The following FAM193A variants were observed in gnomAD, a reference collection of about 807,000 sequenced individuals.
FAM193A encodes protein FAM193A.
FAM193A carries 22 observed loss-of-function variants against 126.5 expected under a neutral mutation model. The ratio of observed to expected loss-of-function variants is 0.17; its 90% CI spans 0.12 to 0.25. The LOEUF is 0.25. Among genes scored for constraint, FAM193A ranks in the 10% least tolerant of loss-of-function variants. The pLI is 1.00. For synonymous variants in FAM193A, 761 were observed against 646.8 expected, an observed-to-expected ratio of 1.18 and a Z score of -2.68; for missense variants, 1,675 against 1,672.8, an observed-to-expected ratio of 1.00 and a Z score of -0.02.
chr4:2,548,271 A>G (rs922152991), intron 1 of FAM193A, among the ~76,000 whole-genome samples: 1 of 151,442 alleles, frequency 6.6e-6, no homozygotes, highest in African/African-American at 2.4e-5. Flanking sequence ...GGGCTTCACC[A>G]TGTTGGCCAG....
chr4:2,604,517 C>G (rs563329154), intron 2 of FAM193A, among the ~76,000 whole-genome samples: 1 of 152,108 alleles, frequency 6.6e-6, no homozygotes, highest in East Asian at 1.9e-4. Context: ...GGGTAGAATA[C>G]AGGTTGAAAT....
chr4:2,626,634 A>G, intron 4 of FAM193A, 57 bp downstream of exon 4: 3 of 660,414 alleles, frequency 4.5e-6, no homozygotes, highest in Non-Finnish European at 8.5e-6. Context: ...TCCCTGCTGC[A>G]CTTGGAGCCA....
intron 15 of FAM193A, among the ~76,000 whole-genome samples, chr4:2,691,737 T>C (rs931318236): frequency 3.3e-5 from 5 of 149,268 alleles, no homozygotes. Flanking sequence ...CCTGGGAGTT[T>C]GAGACTAGCC....
At chr4:2,630,244 A>G (rs1743424602) in intron 4 of FAM193A, among the ~76,000 whole-genome samples, 1 of 151,220 alleles carries the variant, frequency 6.6e-6, no homozygotes, top group Non-Finnish European at 1.5e-5. Flanking sequence ...TGGCTTAGTC[A>G]TGTTGCATGT....
chr4:2,542,635 G>A (rs567976949), intron 1 of FAM193A, among the ~76,000 whole-genome samples: 9 of 152,276 alleles, frequency 5.9e-5, no homozygotes, highest in African/African-American at 2.2e-4. Context: ...GGAGTACCTT[G>A]TATGGTGCAA....
At chr4:2,585,040 C>T (rs1273259321) in intron 1 of FAM193A, among the ~76,000 whole-genome samples, 5 of 152,266 alleles carry the variant, frequency 3.3e-5, no homozygotes, top group African/African-American at 9.6e-5. Flanking sequence ...TAACTTGTCT[C>T]ACCCAACAAT....
intron 19 of FAM193A, chr4:2,715,456 G>GA: frequency 1.0e-6 from 1 of 982,228 alleles, no homozygotes; most frequent in Non-Finnish European, 1.2e-6. Flanking sequence ...ATAAAAAAAA[G>GA]AAAAAAGTTT....
At chr4:2,711,798 G>A (rs1361184351) in intron 19 of FAM193A, among the ~76,000 whole-genome samples, 5 of 151,986 alleles carry the variant, frequency 3.3e-5, no homozygotes, top group Non-Finnish European at 5.9e-5. Flanking sequence ...GTGGTGGCAC[G>A]TGCCTGTAGT....
At position 2,696,604 on chromosome 4, in the gene FAM193A, G is replaced by A. The variant is rs1451834335; in HGVS notation, c.3507+11G>A. 6.2e-7 allele frequency: 1 copy of A among 1,608,504 alleles called. No homozygotes were observed. The highest frequency in any genetic ancestry group is 2.2e-5 in the East Asian group (1 of 44,856). ...CATAAGCAAAGGAAGGCAAGTGACA[G>A]TTCTCAGCACCTGGAGGCGCCAGGT... is the stretch of plus-strand genomic sequence containing the variant. On this transcript the variant is annotated intron_variant, in intron 18 of 20. Coordinates refer to ENST00000637812, the MANE Select transcript of FAM193A (RefSeq NM_001366318.2).
rs773744003 is a variant in FAM193A, at chr4:2,696,557, G to T, written c.3471G>T (p.Thr1157=). 4.3e-6 allele frequency: 7 copies of T among 1,614,222 alleles called. 1 individual carries two copies. The South Asian group carries it at 7.7e-5, about 18-fold the overall frequency. Residue 1157 remains threonine (T), a synonymous_variant, in exon 18 of 21, where the codon ACG becomes ACT. Transcript: ENST00000637812. ...CCGAAACCAAACCAGTGAGCAGCACGCGTGCAGCGAAGCGAGCAAGGCATA... is the reference window on the plus strand; with the variant it reads ...CCGAAACCAAACCAGTGAGCAGCACTCGTGCAGCGAAGCGAGCAAGGCATA... ...NSSETKPVSS[T]RAAKRARHKQ...
At chr4:2,697,547 G>A (rs1717178150) in intron 18 of FAM193A, among the ~76,000 whole-genome samples, 1 of 152,202 alleles carries the variant, frequency 6.6e-6, no homozygotes, top group African/African-American at 2.4e-5. Flanking sequence ...CAGTGGTCTT[G>A]GGAAGAGGCC....
At chr4:2,566,916 T>C (rs79047357) in intron 1 of FAM193A, among the ~76,000 whole-genome samples, 6,199 of 151,780 alleles carry the variant, frequency 0.041, 168 homozygotes, top group Non-Finnish European at 0.068. Context: ...GAAGAAGATG[T>C]AAATTGACTA....
chr4:2,548,373 C>G (rs1387840784), intron 1 of FAM193A, among the ~76,000 whole-genome samples: 13 of 151,888 alleles, frequency 8.6e-5, no homozygotes. Context: ...GCCCGGCCTA[C>G]TTTGCCTATT....
chr4:2,552,067 A>C (rs1382323012), intron 1 of FAM193A, among the ~76,000 whole-genome samples: 2 of 141,374 alleles, frequency 1.4e-5, no homozygotes, highest in African/African-American at 5.3e-5. Context: ...CCTGGAGTGC[A>C]GTGGCTGGAT....
At chr4:2,624,117 A>C (rs1364594709) in intron 2 of FAM193A, among the ~76,000 whole-genome samples, 1 of 151,218 alleles carries the variant, frequency 6.6e-6, no homozygotes, top group African/African-American at 2.4e-5. Flanking sequence ...TGTGTTCTCT[A>C]GTTGTTGTTG....
intron 1 of FAM193A, among the ~76,000 whole-genome samples, chr4:2,588,753 G>C (rs924847133): frequency 6.6e-6 from 1 of 152,184 alleles, no homozygotes; most frequent in Non-Finnish European, 1.5e-5. Context: ...TGTAAAGACT[G>C]TTAATACCTT....
intron 1 of FAM193A, among the ~76,000 whole-genome samples, chr4:2,542,082 C>A (rs987250969): frequency 6.6e-6 from 1 of 151,526 alleles, no homozygotes; most frequent in African/African-American, 2.4e-5. Context: ...GTGGGGTGAT[C>A]TTAGCTCACT....
intron 20 of FAM193A, among the ~76,000 whole-genome samples, chr4:2,728,393 C>A (rs1319761632): frequency 6.6e-6 from 1 of 152,002 alleles, no homozygotes; most frequent in Non-Finnish European, 1.5e-5. Context: ...TACCTTCCCT[C>A]ATTTTTGGCA....
chr4:2,725,526 C>G (rs907242823), intron 20 of FAM193A, among the ~76,000 whole-genome samples: 2 of 151,662 alleles, frequency 1.3e-5, no homozygotes, highest in Non-Finnish European at 2.9e-5. Flanking sequence ...ACATCCTACC[C>G]CTTCCCCCAC....
Sources: gnomAD v4.1 joint callset for allele counts (sites outside exome capture counted in the v4.1 genomes callset) on GRCh38, gnomAD v4.1.1 for gene constraint, MANE v1.5 for transcripts, NCBI Gene and HGNC (gene_info 2026-07-23, HGNC 2026-07-21) for gene names.